TENM3: variants seen among roughly 807,000 people sequenced by gnomAD.
The protein encoded by TENM3 is teneurin transmembrane protein 3.
A neutral mutation model predicts 255.1 loss-of-function variants in TENM3; 63 were observed. That is an observed-to-expected ratio of 0.25 (90% confidence interval 0.20 to 0.30). The LOEUF is 0.30. Among genes scored for constraint, TENM3 ranks in the 10% least tolerant of loss-of-function variants. The pLI is 1.00. For missense variants in TENM3, 2,929 were observed against 3,461.1 expected (o/e 0.85, Z 3.86); for synonymous variants, 1,306 against 1,322.3 (o/e 0.99, Z 0.27).
the TENM3 span, among the ~76,000 whole-genome samples, chr4:181,694,400 A>T: frequency 6.6e-6 from 1 of 152,336 alleles, no homozygotes; most frequent in African/African-American, 2.4e-5. Flanking sequence ...AGATCTAAGG[A>T]TAAAGGGATA....
At chr4:182,148,506 T>A (rs942691129) in intron 1 of TENM3, among the ~76,000 whole-genome samples, 2 of 152,150 alleles carry the variant, frequency 1.3e-5, no homozygotes, top group Admixed American at 6.5e-5. Flanking sequence ...AAGGCATATT[T>A]TCTTGCCCAT....
the TENM3 span, among the ~76,000 whole-genome samples, chr4:182,090,577 G>T: frequency 6.6e-6 from 1 of 152,224 alleles, no homozygotes; most frequent in African/African-American, 2.4e-5. Flanking sequence ...CATGCCCTCG[G>T]CAGGACTCCA....
chr4:182,059,352 G>A, the TENM3 span, among the ~76,000 whole-genome samples: 4 of 151,920 alleles, frequency 2.6e-5, no homozygotes, highest in African/African-American at 9.7e-5. Flanking sequence ...ATCACCTAAA[G>A]GAAATCAGTG....
the TENM3 span, chr4:181,522,763 TA>T: frequency 1.3e-6 from 1 of 749,764 alleles, no homozygotes; most frequent in East Asian, 2.7e-5. Flanking sequence ...GACCTGAGAG[TA>T]AATGGAGAAC....
chr4:182,107,090 G>T, the TENM3 span, among the ~76,000 whole-genome samples: 1 of 151,952 alleles, frequency 6.6e-6, no homozygotes, highest in Admixed American at 6.6e-5. Flanking sequence ...AAAAGAGAGT[G>T]TTATGAGGCA....
the TENM3 span, among the ~76,000 whole-genome samples, chr4:181,816,614 A>G: frequency 6.6e-6 from 1 of 152,184 alleles, no homozygotes; most frequent in African/African-American, 2.4e-5. Context: ...TACATGTCTA[A>G]AAATGAAGTC....
In TENM3 at chr4:182,645,785, C is replaced by G. The variant is rs781214705; in HGVS notation, c.989-7986C>G. Among the ~76,000 whole-genome samples, 17 of 152,050 alleles carry G rather than the reference C, an allele frequency of 1.1e-4. No individual in the cohort carries two copies. In the South Asian group the frequency reaches 1.2e-3, roughly 11 times the overall value. ...CAGTCCAAAAGAGAGAGAGAACAAC[C>G]AAAAAAGAAGCTGAAGTCTTTCGTA... On this transcript the variant is annotated intron_variant, in intron 5 of 27. Transcript: ENST00000511685.
At chr4:182,045,395 T>TA in the TENM3 span, among the ~76,000 whole-genome samples, 38,143 of 139,380 alleles carry the variant, frequency 0.27, 5,014 homozygotes, top group Middle Eastern at 0.33. Context: ...TAGCCTCAAT[T>TA]AAAAAAAAAA....
chr4:182,794,714 A>G (rs1766364097), intron 26 of TENM3, among the ~76,000 whole-genome samples: 1 of 152,232 alleles, frequency 6.6e-6, no homozygotes, highest in East Asian at 1.9e-4. Flanking sequence ...TTAGTTATGC[A>G]AGATGTAGAA....
chr4:182,664,759 C>T (rs1027684074), intron 6 of TENM3, among the ~76,000 whole-genome samples: 2 of 152,144 alleles, frequency 1.3e-5, no homozygotes, highest in African/African-American at 4.8e-5. Context: ...CCTGGATAGA[C>T]GATCAAACCA....
the TENM3 span, among the ~76,000 whole-genome samples, chr4:181,767,234 A>G: frequency 7.5e-6 from 1 of 132,676 alleles, no homozygotes; most frequent in Admixed American, 8.3e-5. Context: ...CCTGGGCGAG[A>G]GTGCGAGACT....
At chr4:181,746,773 T>C in the TENM3 span, among the ~76,000 whole-genome samples, 1 of 151,974 alleles carries the variant, frequency 6.6e-6, no homozygotes, top group Non-Finnish European at 1.5e-5. Context: ...TTTTTACTTA[T>C]ACTAAAATGT....
chr4:181,530,748 G>C, the TENM3 span, among the ~76,000 whole-genome samples: 1 of 152,210 alleles, frequency 6.6e-6, no homozygotes, highest in African/African-American at 2.4e-5. Flanking sequence ...CAACAACAAA[G>C]ATATTGCCTC....
the TENM3 span, among the ~76,000 whole-genome samples, chr4:181,582,539 C>G: frequency 6.6e-6 from 1 of 151,946 alleles, no homozygotes; most frequent in East Asian, 1.9e-4. Flanking sequence ...CCCAGCTACT[C>G]GGGAGGCTGG....
chr4:182,484,881 C>G (rs1021715808), intron 3 of TENM3, among the ~76,000 whole-genome samples: 1 of 152,068 alleles, frequency 6.6e-6, no homozygotes, highest in African/African-American at 2.4e-5. Context: ...CAAATATTAT[C>G]ATTTAATATA....
the TENM3 span, among the ~76,000 whole-genome samples, chr4:181,567,394 C>T: frequency 5.9e-5 from 9 of 152,090 alleles, no homozygotes; most frequent in African/African-American, 4.8e-5. Context: ...ATACTTTTAG[C>T]AAAAATGTGA....
In TENM3 at chr4:182,346,670, G is replaced by T. The variant is rs778489098; in HGVS notation, c.252G>T (p.Arg84Ser). ...FTRQGQNFTL[R>S]QLGVCEPATR... ...AATTAGGACAGAATTTTACCCTAAG[G>T]CAGTTAGGAGTTTGTGAACCAGCAA... is the stretch of plus-strand genomic sequence containing the variant. The change falls in exon 3 of 28, where the codon AGG (arginine) becomes AGT (serine). Residue 84 changes from arginine (R) to serine (S), a missense_variant. By Grantham distance (110) the Arg-to-Ser change is moderately radical (BLOSUM62 -1). Coordinates refer to ENST00000511685, the MANE Select transcript of TENM3 (RefSeq NM_001080477.4). 1.9e-6 allele frequency: 3 copies of T among 1,613,562 alleles called. No individual in the cohort carries two copies. The highest frequency in any genetic ancestry group is 2.5e-6 in the Non-Finnish European group (3 of 1,179,788).
the TENM3 span, among the ~76,000 whole-genome samples, chr4:181,822,176 G>C: frequency 1.3e-5 from 2 of 152,002 alleles, no homozygotes; most frequent in African/African-American, 4.8e-5. Context: ...CCCACTTCTG[G>C]CTGCTCTCCA....
Position 182,573,775 on chromosome 4 carries a change from C to A in TENM3, c.512-27149C>A, listed in dbSNP as rs61341957. On this transcript the variant is annotated intron_variant, in intron 3 of 27. Transcript: ENST00000511685. ...TTAAAAAGAAAGGAGAACTATAGTT[C>A]TCTTCCAGTTATTCCCAAATGTTAT... Among the ~76,000 whole-genome samples the A allele has an allele frequency of 3.3e-3, 506 of 152,192 alleles. 1 individual carries two copies. The highest frequency in any genetic ancestry group is 0.012 in the African/African-American group (484 of 41,546).
Sources: gnomAD v4.1 joint callset for allele counts (sites outside exome capture counted in the v4.1 genomes callset) on GRCh38, gnomAD v4.1.1 for gene constraint, MANE v1.5 for transcripts, NCBI Gene and HGNC (gene_info 2026-07-23, HGNC 2026-07-21) for gene names.